The following DLG1 variants were observed in gnomAD, a reference collection of about 807,000 sequenced individuals.
DLG1 encodes the protein discs large MAGUK scaffold protein 1.
Under a neutral mutation model 123.4 loss-of-function variants are expected in DLG1, and 42 were observed. The observed-to-expected ratio is 0.34, with a 90% confidence interval of 0.27 to 0.44. DLG1 has a LOEUF of 0.44. Among genes scored for constraint, DLG1 ranks in the 20% least tolerant of loss-of-function variants. DLG1 has a pLI of 1.00. For synonymous variants in DLG1, 317 were observed against 356.2 expected, an observed-to-expected ratio of 0.89 and a Z score of 1.24; for missense variants, 942 against 1,082.6, an observed-to-expected ratio of 0.87 and a Z score of 1.82.
chr3:197,185,474 G>T (rs754470025), intron 5 of DLG1, among the ~76,000 whole-genome samples: 1 of 152,152 alleles, frequency 6.6e-6, no homozygotes, highest in East Asian at 1.9e-4. Flanking sequence ...GGACTGTGCC[G>T]GCAGTAGCTG....
rs1319965682 is a variant in DLG1 at position 197,142,727 on chromosome 3, T to C, written c.579A>G (p.Thr193=). ...TDADYEYEEI[T]LERGNSGLGF... ...AGATAATAGTTTTTACCCTTTCAAG[T>C]GTGATTTCTTCATATTCATAATCTG... The change falls in exon 7 of 25, where the codon ACA becomes ACG. Residue 193 remains threonine, a synonymous_variant. Coordinates refer to ENST00000667157, the MANE Select transcript of DLG1 (RefSeq NM_001366207.1). 6.2e-7 allele frequency: 1 copy of C among 1,606,736 alleles called. No individual in the cohort carries two copies. The highest frequency in any genetic ancestry group is 8.5e-7 in the Non-Finnish European group (1 of 1,176,892).
At chr3:197,204,153 G>A (rs961853969) in intron 4 of DLG1, among the ~76,000 whole-genome samples, 2 of 152,152 alleles carry the variant, frequency 1.3e-5, no homozygotes, top group African/African-American at 4.8e-5. Flanking sequence ...AAAATTATGT[G>A]AATCAGTGTG....
At chr3:197,148,210 G>A (rs1561040877) in intron 6 of DLG1, among the ~76,000 whole-genome samples, 1 of 110,660 alleles carries the variant, frequency 9.0e-6, no homozygotes, top group Non-Finnish European at 1.7e-5. Flanking sequence ...GATCAACCTA[G>A]GCAACATGGT....
chr3:197,092,558 T>C (rs907341147), intron 14 of DLG1, among the ~76,000 whole-genome samples: 3 of 152,152 alleles, frequency 2.0e-5, no homozygotes, highest in African/African-American at 7.2e-5. Flanking sequence ...TGGACTACAG[T>C]GGCACAAGCA....
At chr3:197,298,320 C>T (rs535922919) in intron 1 of DLG1, 55 of 393,496 alleles carry the variant, frequency 1.4e-4, no homozygotes, top group Non-Finnish European at 2.1e-4. Context: ...AACCTCTTCG[C>T]TTAAAAGGGC....
At chr3:197,134,248 G>A (rs1320930077) in intron 10 of DLG1, among the ~76,000 whole-genome samples, 5 of 151,994 alleles carry the variant, frequency 3.3e-5, no homozygotes, top group African/African-American at 9.7e-5. Context: ...ACTAAAAAAA[G>A]TCTCCTTGCA....
At chr3:197,177,204 A>G (rs1807585417) in intron 5 of DLG1, among the ~76,000 whole-genome samples, 1 of 152,134 alleles carries the variant, frequency 6.6e-6, no homozygotes, top group South Asian at 2.1e-4. Context: ...TGAGTAGAAA[A>G]TTAAGAAACA....
intron 4 of DLG1, among the ~76,000 whole-genome samples, chr3:197,215,671 C>T (rs1044099542): frequency 6.6e-6 from 1 of 151,900 alleles, no homozygotes; most frequent in African/African-American, 2.4e-5. Flanking sequence ...AGCCACAAGC[C>T]ATAAAATCTC....
chr3:197,049,486 G>A (rs1725730007), intron 24 of DLG1, among the ~76,000 whole-genome samples: 1 of 152,248 alleles, frequency 6.6e-6, no homozygotes, highest in African/African-American at 2.4e-5. Flanking sequence ...CGGGCCCGAT[G>A]GCTCACGCCT....
At position 197,096,593 on chromosome 3, in the gene DLG1, C is replaced by T. The variant is rs181126855; in HGVS notation, c.1547-5567G>A. On this transcript the variant is annotated intron_variant, in intron 14 of 24. Transcript: ENST00000667157. ...TGATCAAGTTGTAGAAAGAGAAGGTCTATTTTTGCTTTACAAATTTTTCTT... is the reference window on the plus strand; with the variant it reads ...TGATCAAGTTGTAGAAAGAGAAGGTTTATTTTTGCTTTACAAATTTTTCTT... Among the ~76,000 whole-genome samples, 217 of 152,310 alleles carry T rather than the reference C, an allele frequency of 1.4e-3. 2 individuals are homozygous for T. The highest frequency in any genetic ancestry group is 4.9e-3 in the African/African-American group (203 of 41,568).
chr3:197,136,629 C>T lies in DLG1; in HGVS notation c.933G>A (p.Gly311=), dbSNP rs758329178. 6.2e-7 allele frequency: 1 copy of T among 1,613,402 alleles called. No individual in the cohort carries two copies. Among genetic ancestry groups the T allele is most frequent in the East Asian group, 2.2e-5 (1 of 44,824 alleles). The change falls in exon 10 of 25, where the codon GGG becomes GGA. Residue 311 remains glycine (G), a synonymous_variant. Coordinates refer to ENST00000667157, the MANE Select transcript of DLG1 (RefSeq NM_001366207.1). ...TTTTGGTTACATAGATGCTATTATC[C>T]CCAGGAATATGCTGATTTCCAACAC... ...AGGVGNQHIP[G]DNSIYVTKII...
At chr3:197,074,779 A>C (rs1746161999) in intron 18 of DLG1, among the ~76,000 whole-genome samples, 1 of 152,088 alleles carries the variant, frequency 6.6e-6, no homozygotes, top group African/African-American at 2.4e-5. Flanking sequence ...ATACAAACTT[A>C]AATCACTATG....
intron 4 of DLG1, among the ~76,000 whole-genome samples, chr3:197,230,311 A>G (rs57357358): frequency 8.5e-5 from 13 of 152,342 alleles, no homozygotes; most frequent in African/African-American, 2.9e-4. Flanking sequence ...AATACTACCT[A>G]TATTACATAT....
chr3:197,278,899 G>T (rs1234345425), intron 4 of DLG1, among the ~76,000 whole-genome samples: 1 of 152,132 alleles, frequency 6.6e-6, no homozygotes, highest in Non-Finnish European at 1.5e-5. Flanking sequence ...AGTCAAAGAG[G>T]CATGTTGCAT....
At chr3:197,168,905 C>T (rs1000816237) in intron 5 of DLG1, among the ~76,000 whole-genome samples, 2 of 152,190 alleles carry the variant, frequency 1.3e-5, no homozygotes, top group Middle Eastern at 3.4e-3. Flanking sequence ...ATATTAACAC[C>T]GTCACAAGGA....
Position 197,294,587 on chromosome 3 carries a change from GGCGGAGCTTGCA to G in DLG1, c.151+1747_151+1758del, listed in dbSNP as rs1776476627. 2.0e-5 allele frequency among the ~76,000 whole-genome samples: 3 copies of G among 150,944 alleles called. No homozygotes were observed. In the East Asian group the frequency reaches 5.8e-4, roughly 29 times the overall value. On this transcript the variant is annotated intron_variant, in intron 3 of 24. Coordinates refer to ENST00000667157, the MANE Select transcript of DLG1 (RefSeq NM_001366207.1). ...GCAGGAGAATGGCGTGAACCTGGCA[GGCGGAGCTTGCA>G]GTGAGCGGAGATCTCGCCACTGCAC...
chr3:197,274,167 A>G (rs1438363538), intron 4 of DLG1, among the ~76,000 whole-genome samples: 1 of 152,244 alleles, frequency 6.6e-6, no homozygotes, highest in Non-Finnish European at 1.5e-5. Flanking sequence ...AGCAGAAATA[A>G]TAAAACTGGA....
At chr3:197,205,181 G>A (rs768401391) in intron 4 of DLG1, among the ~76,000 whole-genome samples, 15 of 152,278 alleles carry the variant, frequency 9.9e-5, no homozygotes, top group South Asian at 2.1e-4. Context: ...GGGAAAGGGC[G>A]TGGGAGGAAG....
At chr3:197,106,382 G>C (rs1023445390) in intron 13 of DLG1, among the ~76,000 whole-genome samples, 4 of 152,082 alleles carry the variant, frequency 2.6e-5, no homozygotes, top group Admixed American at 6.6e-5. Flanking sequence ...CTCCAGCCTG[G>C]GTGACAGAGA....
Sources: gnomAD v4.1 joint callset for allele counts (sites outside exome capture counted in the v4.1 genomes callset) on GRCh38, gnomAD v4.1.1 for gene constraint, MANE v1.5 for transcripts, NCBI Gene and HGNC (gene_info 2026-07-23, HGNC 2026-07-21) for gene names.